The following CDKAL1 variants were observed in gnomAD, a reference collection of about 807,000 sequenced individuals.
The protein encoded by CDKAL1 is threonylcarbamoyladenosine tRNA methylthiotransferase.
CDKAL1 carries 32 observed loss-of-function variants against 68.2 expected under a neutral mutation model. The observed-to-expected ratio is 0.47, with a 90% confidence interval of 0.35 to 0.63. CDKAL1 has a LOEUF of 0.63. Among genes scored for constraint, CDKAL1 ranks in the 30% least tolerant of loss-of-function variants. CDKAL1 has a pLI of 0.00. For synonymous variants in CDKAL1, 234 were observed against 244.3 expected (o/e 0.96, Z 0.39); for missense variants, 606 against 696.7 (o/e 0.87, Z 1.47).
intron 13 of CDKAL1, among the ~76,000 whole-genome samples, chr6:21,111,293 G>A (rs892710903): frequency 3.3e-5 from 5 of 152,180 alleles, no homozygotes; most frequent in South Asian, 2.1e-4. Context: ...ATCATGCTGA[G>A]TAAACTCAGA....
chr6:20,673,542 C>G (rs1769949201), intron 5 of CDKAL1, among the ~76,000 whole-genome samples: 1 of 152,176 alleles, frequency 6.6e-6, no homozygotes, highest in Admixed American at 6.5e-5. Flanking sequence ...TCCATGGATA[C>G]AGAACACATG....
chr6:20,934,670 C>A (rs1041179784), intron 9 of CDKAL1, among the ~76,000 whole-genome samples: 14 of 151,930 alleles, frequency 9.2e-5, no homozygotes, highest in African/African-American at 3.1e-4. Context: ...CGTAGTGACA[C>A]CCCATCTCTA....
Position 21,077,175 on chromosome 6 carries a change from G to T in CDKAL1, c.1236+11947G>T, listed in dbSNP as rs143008939. Reference sequence around the variant, plus strand: ...ATTTAGGTGCTTTCTTTTTCTAGATGGTTGGTGTAAATATGTTATCTACAT... The same window carrying T: ...ATTTAGGTGCTTTCTTTTTCTAGATTGTTGGTGTAAATATGTTATCTACAT... On this transcript the variant is annotated intron_variant, in intron 12 of 15. Coordinates refer to ENST00000274695, the MANE Select transcript of CDKAL1 (RefSeq NM_017774.3). Among the ~76,000 whole-genome samples the T allele has an allele frequency of 5.8e-3, 884 of 152,136 alleles. 10 individuals carry two copies. The highest frequency in any genetic ancestry group is 0.02 in the African/African-American group (833 of 41,520).
At chr6:21,094,267 C>T (rs1773206976) in intron 12 of CDKAL1, among the ~76,000 whole-genome samples, 1 of 151,688 alleles carries the variant, frequency 6.6e-6, no homozygotes, top group Admixed American at 6.6e-5. Context: ...GCAAAAATGA[C>T]ATGTTACTTG....
At position 21,231,146 on chromosome 6, in the gene CDKAL1, G is replaced by A; in HGVS notation, c.*107G>A. On this transcript the variant is annotated 3_prime_UTR_variant, in exon 16 of 16. Transcript: ENST00000274695. ...TCTCCAAGGGCAATAATTTGTACTG[G>A]TCATGCTGCCTCCTTCTCAGCCACT... 1.2e-6 allele frequency: 1 copy of A among 805,456 alleles called. No homozygotes were observed. The highest frequency in any genetic ancestry group is 1.9e-6 in the Non-Finnish European group (1 of 533,744). The allele number at this position is 805,456 out of a possible 1,614,324, so 49.9% of individuals were successfully genotyped here. A position where few individuals can be genotyped will look rare whatever the true frequency, so the allele number is the denominator to read the frequency against.
intron 12 of CDKAL1, among the ~76,000 whole-genome samples, chr6:21,066,407 TA>T (rs1052041737): frequency 6.6e-6 from 1 of 152,172 alleles, no homozygotes; most frequent in Non-Finnish European, 1.5e-5. Flanking sequence ...CCCACAAACA[TA>T]AAAAGATGCC....
Position 20,846,087 on chromosome 6 carries a change from T to G in CDKAL1, c.651T>G (p.Ala217=). The change falls in exon 9 of 16, where the codon GCT becomes GCG. Residue 217 remains alanine (A), a synonymous_variant. Coordinates refer to ENST00000274695, the MANE Select transcript of CDKAL1 (RefSeq NM_017774.3). ...ATCATTTGAACAGGTGTCTCAATGC[T>G]TGTACCTACTGCAAAACTAAACACG... The part of the protein sequence containing the change: ...IISINTGCLN[A]CTYCKTKHAR... 1 of 1,611,600 alleles carries G rather than the reference T, an allele frequency of 6.2e-7. No individual in the cohort carries two copies. Among genetic ancestry groups the G allele is most frequent in the Non-Finnish European group, 8.5e-7 (1 of 1,178,118 alleles).
intron 5 of CDKAL1, among the ~76,000 whole-genome samples, chr6:20,657,123 C>A (rs1237292189): frequency 6.6e-6 from 1 of 152,140 alleles, no homozygotes; most frequent in East Asian, 1.9e-4. Context: ...TTCCAGTTGT[C>A]ACCATTGCCT....
rs1018902316 is a variant in CDKAL1 at position 20,539,918 on chromosome 6, G to C, written c.-6+4524G>C. On this transcript the variant is annotated intron_variant, in intron 2 of 15. Transcript: ENST00000274695. The surrounding 1 kb of genome is among the most constrained non-coding windows in gnomAD (Gnocchi z 4.3). ...AATAATCCAGACAAGAGGTGATGTTGGTTTGGACCAAGAGTGTAACAGTGG... is the reference window on the plus strand; with the variant it reads ...AATAATCCAGACAAGAGGTGATGTTCGTTTGGACCAAGAGTGTAACAGTGG... Among the ~76,000 whole-genome samples, 2 of 152,094 alleles carry C rather than the reference G, an allele frequency of 1.3e-5. No individual in the cohort carries two copies. Among genetic ancestry groups the C allele is most frequent in the Non-Finnish European group, 2.9e-5 (2 of 68,020 alleles).
intron 10 of CDKAL1, among the ~76,000 whole-genome samples, chr6:20,969,136 G>A (rs761595938): frequency 2.0e-5 from 3 of 152,048 alleles, no homozygotes; most frequent in African/African-American, 4.8e-5. Flanking sequence ...ACAATGCACG[G>A]CTTAGAGGTA....
chr6:20,711,096 T>C (rs1214993648), intron 5 of CDKAL1, among the ~76,000 whole-genome samples: 1 of 152,212 alleles, frequency 6.6e-6, no homozygotes, highest in Non-Finnish European at 1.5e-5. Context: ...ATTAAGATTA[T>C]ATGTAATTAA....
chr6:21,042,608 T>C (rs1769993460), intron 11 of CDKAL1, among the ~76,000 whole-genome samples: 1 of 152,164 alleles, frequency 6.6e-6, no homozygotes. Context: ...TTCCAATGAT[T>C]ACACCTCTTC....
intron 15 of CDKAL1, among the ~76,000 whole-genome samples, chr6:21,226,837 C>T (rs1243987128): frequency 3.9e-5 from 6 of 152,156 alleles, no homozygotes; most frequent in South Asian, 2.1e-4. Flanking sequence ...CTCAGCCTCC[C>T]GAGTAGCTGG....
intron 11 of CDKAL1, among the ~76,000 whole-genome samples, chr6:21,029,994 A>T (rs1769182559): frequency 6.6e-6 from 1 of 152,220 alleles, no homozygotes. Context: ...CCAAAGGAAT[A>T]TAAATCATTC....
intron 13 of CDKAL1, among the ~76,000 whole-genome samples, chr6:21,154,430 A>G (rs1012237491): frequency 1.3e-5 from 2 of 152,208 alleles, no homozygotes; most frequent in African/African-American, 4.8e-5. Flanking sequence ...CTATAAAACA[A>G]TGTTTAACTC....
At chr6:21,217,177 T>C (rs1582436318) in intron 15 of CDKAL1, among the ~76,000 whole-genome samples, 2 of 152,130 alleles carry the variant, frequency 1.3e-5, no homozygotes, top group East Asian at 1.9e-4. Context: ...TATATATATA[T>C]ACACACATAT....
intron 13 of CDKAL1, among the ~76,000 whole-genome samples, chr6:21,181,238 A>C (rs1777778204): frequency 6.6e-6 from 1 of 152,242 alleles, no homozygotes; most frequent in Admixed American, 6.5e-5. Flanking sequence ...AAGATTCTAC[A>C]TCTCAACACT....
At chr6:21,219,911 C>T (rs1476253322) in intron 15 of CDKAL1, among the ~76,000 whole-genome samples, 1 of 152,210 alleles carries the variant, frequency 6.6e-6, no homozygotes, top group Non-Finnish European at 1.5e-5. Flanking sequence ...AACATCCTGG[C>T]TCAGTGCTTC....
At chr6:20,909,821 G>T (rs1375828586) in intron 9 of CDKAL1, among the ~76,000 whole-genome samples, 2 of 152,154 alleles carry the variant, frequency 1.3e-5, no homozygotes, top group African/African-American at 4.8e-5. Flanking sequence ...GGACTGAGCA[G>T]CAGGTCCTAT....
Sources: gnomAD v4.1 joint callset for allele counts (sites outside exome capture counted in the v4.1 genomes callset) on GRCh38, gnomAD v4.1.1 for gene constraint, Gnocchi (gnomAD v3.1) non-coding constraint, MANE v1.5 for transcripts, NCBI Gene and HGNC (gene_info 2026-07-23, HGNC 2026-07-21) for gene names.